Variants in TMC1 observed in about 807,000 individuals in gnomAD.
TMC1 encodes transmembrane channel like 1.
TMC1 carries 84 observed loss-of-function variants against 105.8 expected under a neutral mutation model. The observed-to-expected ratio is 0.79, with a 90% CI of 0.67 to 0.95. The LOEUF (loss-of-function observed/expected upper bound fraction) is 0.95. Ranked by LOEUF, TMC1 falls within the 40% of genes least tolerant of loss-of-function variation. The pLI is 0.00. For synonymous variants in TMC1, 315 were observed against 311.5 expected, an observed-to-expected ratio of 1.01 and a Z score of -0.12; for missense variants, 817 against 914.1, an observed-to-expected ratio of 0.89 and a Z score of 1.37.
chr9:72,546,001 G>C (rs1823760572), intron 1 of TMC1, among the ~76,000 whole-genome samples: 1 of 151,356 alleles, frequency 6.6e-6, no homozygotes, highest in Non-Finnish European at 1.5e-5. Context: ...TGATGGTACA[G>C]ACTGGGTGCA....
intron 4 of TMC1, among the ~76,000 whole-genome samples, chr9:72,645,697 C>T (rs949732075): frequency 3.3e-5 from 5 of 152,146 alleles, no homozygotes; most frequent in African/African-American, 9.7e-5. Context: ...CAAGCTCTCA[C>T]GAAATAAAGC....
intron 13 of TMC1, among the ~76,000 whole-genome samples, chr9:72,781,969 A>G (rs1388447332): frequency 2.0e-5 from 3 of 152,224 alleles, no homozygotes; most frequent in African/African-American, 7.2e-5. Flanking sequence ...CCATGAGACC[A>G]GCATCATTCT....
chr9:72,768,420 A>G (rs1386895990), intron 12 of TMC1, among the ~76,000 whole-genome samples: 1 of 152,190 alleles, frequency 6.6e-6, no homozygotes, highest in Admixed American at 6.5e-5. Flanking sequence ...ATGTATACCT[A>G]TGTAACAAAC....
At chr9:72,701,403 C>T (rs1330103610) in intron 8 of TMC1, among the ~76,000 whole-genome samples, 1 of 152,118 alleles carries the variant, frequency 6.6e-6, no homozygotes, top group Non-Finnish European at 1.5e-5. Flanking sequence ...GAGGATCACA[C>T]TATATTTCCC....
intron 2 of TMC1, among the ~76,000 whole-genome samples, chr9:72,583,414 AC>A (rs1824503682): frequency 6.6e-6 from 1 of 152,162 alleles, no homozygotes; most frequent in South Asian, 2.1e-4. Context: ...AGATAAAATA[AC>A]CTCACTACAT....
intron 17 of TMC1, among the ~76,000 whole-genome samples, chr9:72,795,922 A>C (rs1304175055): frequency 6.6e-6 from 1 of 152,110 alleles, no homozygotes; most frequent in African/African-American, 2.4e-5. Context: ...ATGCTTAATA[A>C]CACCCACACG....
In TMC1 at chr9:72,792,924, G is replaced by A. The variant is rs529635629; in HGVS notation, c.1566+572G>A. Among the ~76,000 whole-genome samples the A allele has an allele frequency of 8.5e-5, 13 of 152,208 alleles. No individual in the cohort carries two copies. In the South Asian group the frequency reaches 2.7e-3, roughly 32 times the overall value. On this transcript the variant is annotated intron_variant, in intron 17 of 23. Transcript: ENST00000297784. ...TGGAGAGCAGAGAAAAGCAAGGCAGGGTGACAGCCCACCTGGTAGTGACAT... is the reference window on the plus strand; with the variant it reads ...TGGAGAGCAGAGAAAAGCAAGGCAGAGTGACAGCCCACCTGGTAGTGACAT...
chr9:72,656,810 G>A (rs117111349), intron 5 of TMC1, among the ~76,000 whole-genome samples: 18 of 152,230 alleles, frequency 1.2e-4, no homozygotes, highest in Admixed American at 9.2e-4. Flanking sequence ...ATGCAGATAA[G>A]TTTCTTGGAA....
intron 2 of TMC1, among the ~76,000 whole-genome samples, chr9:72,582,424 C>T (rs1168830475): frequency 6.6e-6 from 1 of 152,172 alleles, no homozygotes; most frequent in Non-Finnish European, 1.5e-5. Context: ...AAATTTAAAG[C>T]ACAGTTGATC....
intron 8 of TMC1, among the ~76,000 whole-genome samples, chr9:72,711,132 G>A (rs1383747821): frequency 2.6e-5 from 4 of 152,204 alleles, no homozygotes; most frequent in African/African-American, 7.2e-5. Flanking sequence ...ATTCCATGGT[G>A]TATATGTGCC....
At chr9:72,811,463 A>AATTTAATTTAAT (rs1175655687) in intron 18 of TMC1, among the ~76,000 whole-genome samples, 3 of 152,156 alleles carry the variant, frequency 2.0e-5, no homozygotes. Context: ...GAAGGATTTT[A>AATTTAATTTAAT]ACTGCTCTAA....
At position 72,648,762 on chromosome 9, in the gene TMC1, T is replaced by A. The variant is rs1037566385; in HGVS notation, c.16+98T>A. 4.5e-6 allele frequency: 5 copies of A among 1,120,480 alleles called. No homozygotes were observed. In the Admixed American group the frequency reaches 8.5e-5, roughly 19 times the overall value. 69.4% of individuals were successfully genotyped at this position (1,120,480 alleles called of 1,614,324 possible). A position where few individuals can be genotyped will look rare whatever the true frequency, so the allele number is the denominator to read the frequency against. On this transcript the variant is annotated intron_variant, in intron 5 of 23. Coordinates refer to ENST00000297784, the MANE Select transcript of TMC1 (RefSeq NM_138691.3). ...GGAAAGTTTGTTTTACAATTTTTGT[T>A]CCCTCTTTTGGGGCTTTCCCTTTTT...
intron 13 of TMC1, among the ~76,000 whole-genome samples, chr9:72,775,717 G>A (rs148903611): frequency 6.6e-6 from 1 of 152,266 alleles, no homozygotes; most frequent in African/African-American, 2.4e-5. Context: ...AAAGAAAAGA[G>A]GTTTATTTGG....
At chr9:72,748,134 G>A (rs1361456004) in intron 10 of TMC1, among the ~76,000 whole-genome samples, 2 of 152,122 alleles carry the variant, frequency 1.3e-5, no homozygotes, top group Non-Finnish European at 2.9e-5. Flanking sequence ...CCATATAGCA[G>A]TGTGGTTAAG....
At chr9:72,759,208 A>G (rs112052727) in intron 12 of TMC1, among the ~76,000 whole-genome samples, 123 of 152,224 alleles carry the variant, frequency 8.1e-4, no homozygotes, top group African/African-American at 2.3e-3. Context: ...GCTCGAACAG[A>G]CTGGAAATGG....
At chr9:72,805,619 A>G in intron 18 of TMC1, 109 bp downstream of exon 18, 1 of 1,006,042 alleles carries the variant, frequency 9.9e-7, no homozygotes, top group Non-Finnish European at 1.4e-6. Context: ...TCATAGGACA[A>G]TAGTGGAGGG....
At chr9:72,675,137 A>T (rs900584206) in intron 5 of TMC1, among the ~76,000 whole-genome samples, 1 of 152,170 alleles carries the variant, frequency 6.6e-6, no homozygotes, top group Admixed American at 6.6e-5. Context: ...ATTTCATGAC[A>T]CATGAGACAG....
At chr9:72,640,030 T>C (rs1356932668) in intron 4 of TMC1, among the ~76,000 whole-genome samples, 1 of 152,240 alleles carries the variant, frequency 6.6e-6, no homozygotes, top group African/African-American at 2.4e-5. Flanking sequence ...AACATATTTC[T>C]GGTTTTGCCA....
Position 72,789,203 on chromosome 9 carries a change from C to G in TMC1, c.1110C>G (p.Phe370Leu), listed in dbSNP as rs1828221311. ...GATTCCTGAGGTTTCTGGCTAACTT[C>G]TTCGTGTTTCTAACACTTGGAGGGA... is the stretch of plus-strand genomic sequence containing the variant. The part of the protein sequence containing the change: ...LIRFLRFLAN[F>L]FVFLTLGGSG... The change falls in exon 15 of 24, where the codon TTC (phenylalanine) becomes TTG (leucine). Residue 370 changes from phenylalanine to leucine, a missense_variant. By Grantham distance (22) the Phe-to-Leu change is conservative. Coordinates refer to ENST00000297784, the MANE Select transcript of TMC1 (RefSeq NM_138691.3). 1 of 1,613,802 alleles carries G rather than the reference C, an allele frequency of 6.2e-7. No homozygotes were observed. The highest frequency in any genetic ancestry group is 8.5e-7 in the Non-Finnish European group (1 of 1,179,974).
Sources: gnomAD v4.1 joint callset for allele counts (sites outside exome capture counted in the v4.1 genomes callset) on GRCh38, gnomAD v4.1.1 for gene constraint, MANE v1.5 for transcripts, NCBI Gene and HGNC (gene_info 2026-07-23, HGNC 2026-07-21) for gene names.